The following ANKRD6 variants were observed in gnomAD, a reference collection of about 807,000 sequenced individuals.
ANKRD6 encodes ankyrin repeat domain-containing protein 6.
In ANKRD6, 56 loss-of-function variants were observed where a neutral mutation model predicts 82.3. That is an observed-to-expected ratio of 0.68 (90% CI 0.55 to 0.85). The LOEUF is 0.85. Among genes scored for constraint, ANKRD6 ranks in the 40% least tolerant of loss-of-function variants. The pLI is 0.00. For synonymous variants in ANKRD6, 347 were observed against 352.1 expected, an observed-to-expected ratio of 0.99 and a Z score of 0.16; for missense variants, 852 against 907.6, an observed-to-expected ratio of 0.94 and a Z score of 0.79.
intron 1 of ANKRD6, among the ~76,000 whole-genome samples, chr6:89,438,179 A>G (rs1043157782): frequency 6.6e-6 from 1 of 152,238 alleles, no homozygotes; most frequent in Non-Finnish European, 1.5e-5. Flanking sequence ...GCTGTAAGGT[A>G]GGCTAACTGC....
intron 1 of ANKRD6, among the ~76,000 whole-genome samples, chr6:89,544,985 G>A (rs532723533): frequency 2.6e-5 from 4 of 151,996 alleles, no homozygotes; most frequent in East Asian, 3.9e-4. Context: ...AGGCGGAGGC[G>A]GGCAGATCAC....
chr6:89,600,452 T>C (rs1796874765), intron 3 of ANKRD6, among the ~76,000 whole-genome samples: 1 of 152,164 alleles, frequency 6.6e-6, no homozygotes, highest in African/African-American at 2.4e-5. Context: ...TCATGAACAA[T>C]ACAGAGTGAT....
At chr6:89,568,919 T>TTA (rs924413795) in intron 2 of ANKRD6, among the ~76,000 whole-genome samples, 8 of 146,978 alleles carry the variant, frequency 5.4e-5, no homozygotes, top group Non-Finnish European at 7.5e-5. Flanking sequence ...ATAGAAAATT[T>TTA]TATATATATA....
intron 1 of ANKRD6, among the ~76,000 whole-genome samples, chr6:89,556,685 G>T (rs1433174210): frequency 6.6e-6 from 1 of 152,206 alleles, no homozygotes; most frequent in East Asian, 1.9e-4. Flanking sequence ...TACAGCTAAA[G>T]AAGATGGAAC....
chr6:89,451,955 G>A (rs924867158), intron 1 of ANKRD6, among the ~76,000 whole-genome samples: 17 of 152,154 alleles, frequency 1.1e-4, no homozygotes, highest in African/African-American at 3.9e-4. Context: ...CCAGCACTTT[G>A]GGAAGCCAAG....
chr6:89,449,951 TG>T (rs1772605710), intron 1 of ANKRD6, among the ~76,000 whole-genome samples: 1 of 152,208 alleles, frequency 6.6e-6, no homozygotes, highest in Admixed American at 6.6e-5. Context: ...AAGCAACCAC[TG>T]GGCTGGAGAG....
In ANKRD6 at chr6:89,555,062, C is replaced by A. The variant is rs375427242; in HGVS notation, c.-143-11772C>A. On this transcript the variant is annotated intron_variant, in intron 1 of 15. Transcript: ENST00000339746. ...GCTTTCTCTCCATCCTCTCCTCCCC[C>A]CCTTCTCTTCTCATCCTCTCCTCCC... 5.3e-5 allele frequency among the ~76,000 whole-genome samples: 6 copies of A among 113,756 alleles called. No individual in the cohort carries two copies. The East Asian group carries it at 1.6e-3, about 30-fold the overall frequency. 74.6% of individuals were successfully genotyped at this position (113,756 alleles called of 152,430 possible).
At chr6:89,608,368 C>CACACACACACACACACACACACTATA in intron 5 of ANKRD6, among the ~76,000 whole-genome samples, 3 of 130,812 alleles carry the variant, frequency 2.3e-5, no homozygotes, top group African/African-American at 9.1e-5. Context: ...CACACACACA[C>CACACACACACACACACACACACTATA]TATATATATA....
rs562174256 is a variant in ANKRD6 at position 89,488,719 on chromosome 6, T to A, written c.-144+55344T>A. ...GTTACATTTATATTGTTTCTTTTGA[T>A]TGAATACTTGACTCATTTTGATCAA... On this transcript the variant is annotated intron_variant, in intron 1 of 15. Transcript: ENST00000339746. 2.6e-5 allele frequency among the ~76,000 whole-genome samples: 4 copies of A among 152,312 alleles called. No homozygotes were observed. The East Asian group carries it at 5.8e-4, about 22-fold the overall frequency.
chr6:89,623,748 G>T, intron 11 of ANKRD6, 124 bp from the exon 12 acceptor site: 2 of 1,261,654 alleles, frequency 1.6e-6, no homozygotes, highest in Non-Finnish European at 2.2e-6. Flanking sequence ...GCTTGGAGTA[G>T]GACACCATGA....
intron 1 of ANKRD6, among the ~76,000 whole-genome samples, chr6:89,506,784 T>C (rs2127918800): frequency 6.6e-6 from 1 of 152,338 alleles, no homozygotes. Context: ...TTGGTTCGCA[T>C]CCCGATCTCT....
chr6:89,589,308 T>C (rs1794417567), intron 2 of ANKRD6, among the ~76,000 whole-genome samples: 1 of 152,206 alleles, frequency 6.6e-6, no homozygotes, highest in South Asian at 2.1e-4. Context: ...GGCTTGTTTC[T>C]GTAGGTTGTA....
Position 89,624,040 on chromosome 6 carries a change from G to A in ANKRD6, c.1201G>A (p.Asp401Asn), listed in dbSNP as rs745677603. ...YQLYTLYRGK[D>N]GKVMQAPING... Reference sequence around the variant, plus strand: ...GCTCTACACATTGTACCGGGGCAAGGATGGGAAAGTGATGCAGGTACCTGC... The same window carrying A: ...GCTCTACACATTGTACCGGGGCAAGAATGGGAAAGTGATGCAGGTACCTGC... The change falls in exon 12 of 16, where the codon GAT becomes AAT. Residue 401 changes from aspartate to asparagine, a missense_variant. Physicochemically the swap from Asp to Asn is conservative, Grantham distance 23. Coordinates refer to ENST00000339746, the MANE Select transcript of ANKRD6 (RefSeq NM_001242809.2). 6.2e-7 allele frequency: 1 copy of A among 1,611,194 alleles called. No individual in the cohort carries two copies. The highest frequency in any genetic ancestry group is 8.5e-7 in the Non-Finnish European group (1 of 1,178,672).
rs547682754 is a variant in ANKRD6, at chr6:89,552,678, C to T, written c.-143-14156C>T. 3.9e-5 allele frequency among the ~76,000 whole-genome samples: 6 copies of T among 152,220 alleles called. No individual in the cohort carries two copies. The Middle Eastern group carries it at 0.01, about 259-fold the overall frequency. Reference sequence around the variant, plus strand: ...TGAGTGCTTTTTCTGTGCCAAGTGCCGTGCTTATCATCTACTCCCTTGGGA... The same window carrying T: ...TGAGTGCTTTTTCTGTGCCAAGTGCTGTGCTTATCATCTACTCCCTTGGGA... On this transcript the variant is annotated intron_variant, in intron 1 of 15. Coordinates refer to ENST00000339746, the MANE Select transcript of ANKRD6 (RefSeq NM_001242809.2).
chr6:89,566,079 G>T (rs1380910145), intron 1 of ANKRD6, among the ~76,000 whole-genome samples: 15 of 152,214 alleles, frequency 9.9e-5, no homozygotes, highest in Non-Finnish European at 1.2e-4. Context: ...CTGCGACAGG[G>T]CTTTAGTGTT....
intron 13 of ANKRD6, among the ~76,000 whole-genome samples, chr6:89,625,310 T>C (rs1426394397): frequency 6.6e-6 from 1 of 152,126 alleles, no homozygotes; most frequent in Non-Finnish European, 1.5e-5. Flanking sequence ...GAGTTTATCT[T>C]TTTTGAGTTT....
intron 9 of ANKRD6, among the ~76,000 whole-genome samples, chr6:89,621,026 G>A (rs148847158): frequency 7.6e-4 from 115 of 152,130 alleles, no homozygotes; most frequent in African/African-American, 2.4e-3. Context: ...CCGAGATCAC[G>A]CCACTGCACT....
intron 1 of ANKRD6, among the ~76,000 whole-genome samples, chr6:89,446,339 C>T (rs1014039163): frequency 6.6e-5 from 10 of 151,766 alleles, no homozygotes; most frequent in East Asian, 3.9e-4. Flanking sequence ...GCAACAAGGG[C>T]GAAACTTTGT....
intron 1 of ANKRD6, among the ~76,000 whole-genome samples, chr6:89,547,806 C>T (rs1785301548): frequency 1.3e-5 from 2 of 152,158 alleles, no homozygotes; most frequent in Non-Finnish European, 2.9e-5. Flanking sequence ...CCATTTCTGT[C>T]ACTTCAATTG....
Sources: gnomAD v4.1 joint callset for allele counts (sites outside exome capture counted in the v4.1 genomes callset) on GRCh38, gnomAD v4.1.1 for gene constraint, MANE v1.5 for transcripts, NCBI Gene and HGNC (gene_info 2026-07-23, HGNC 2026-07-21) for gene names.